The following CLIP1 variants were observed in gnomAD, a reference collection of about 807,000 sequenced individuals.
CLIP1 encodes the protein CAP-Gly domain-containing linker protein 1.
In CLIP1, 66 loss-of-function variants were observed where a neutral mutation model predicts 161.6. That is an observed-to-expected ratio of 0.41 (90% CI 0.33 to 0.50). The LOEUF is 0.50. Ranked by LOEUF, CLIP1 falls within the 20% of genes least tolerant of loss-of-function variation. The pLI, the probability that CLIP1 is intolerant of heterozygous loss-of-function variation, is 0.27. For synonymous variants in CLIP1, 598 were observed against 626.2 expected (o/e 0.96, Z 0.67); for missense variants, 1,376 against 1,702.0 (o/e 0.81, Z 3.37).
intron 1 of CLIP1, among the ~76,000 whole-genome samples, chr12:122,398,350 TG>T (rs1956008915): frequency 1.3e-5 from 2 of 148,530 alleles, no homozygotes; most frequent in Admixed American, 1.4e-4. Flanking sequence ...GCTTGAACCC[TG>T]GAGGTGGAGG....
intron 16 of CLIP1, 35 bp downstream of exon 16, chr12:122,328,226 T>C (rs1566121848): frequency 6.2e-7 from 1 of 1,613,454 alleles, no homozygotes. Context: ...CTTGCCTTCC[T>C]TGCCAGCCAA....
intron 3 of CLIP1, chr12:122,364,694 C>G: frequency 4.1e-6 from 2 of 489,128 alleles, no homozygotes; most frequent in Admixed American, 4.7e-5. Flanking sequence ...CGTGAGCCAC[C>G]ACTCTTGGAC....
At chr12:122,287,025 A>G (rs1221743839) in intron 21 of CLIP1, among the ~76,000 whole-genome samples, 3 of 151,942 alleles carry the variant, frequency 2.0e-5, no homozygotes, top group Non-Finnish European at 4.4e-5. Flanking sequence ...ACAAAAAATT[A>G]GCCAGGTGTG....
At chr12:122,340,343 T>A (rs1364321911) in intron 11 of CLIP1, among the ~76,000 whole-genome samples, 2 of 152,162 alleles carry the variant, frequency 1.3e-5, no homozygotes, top group Non-Finnish European at 2.9e-5. Flanking sequence ...CCTCCCAAAG[T>A]GCTGGGATTA....
Position 122,341,293 on chromosome 12 carries a change from C to T in CLIP1, c.1911G>A (p.Ala637=), listed in dbSNP as rs573111208. ...LETAIASHQQ[A]MEELKVSFSK... ...TGAAAGATACCTTCAGTTCTTCCAT[C>T]GCCTGCTGGTGGGATGCGATGGCAG... is the stretch of plus-strand genomic sequence containing the variant. The change falls in exon 11 of 26, where the codon GCG becomes GCA. Residue 637 remains alanine, a synonymous_variant. Coordinates refer to ENST00000620786, the MANE Select transcript of CLIP1 (RefSeq NM_001247997.2). The T allele has an allele frequency of 9.3e-6, 15 of 1,613,972 alleles. No homozygotes were observed. The East Asian group carries it at 1.8e-4, about 19-fold the overall frequency.
intron 1 of CLIP1, among the ~76,000 whole-genome samples, chr12:122,406,214 G>A (rs1471608375): frequency 2.0e-5 from 3 of 152,202 alleles, no homozygotes; most frequent in East Asian, 1.9e-4. Context: ...GGAGGCCAAG[G>A]TGGGCAGATA....
rs1287775791 is a variant in CLIP1 at position 122,316,785 on chromosome 12, A to G, written c.3437T>C (p.Val1146Ala). ...AAATTCTTCCATTTTTTGATTCTCT[A>G]CAGTCAGGAGTTCTTTTGATTTGTT... ...ELNKSKELLT[V>A]ENQKMEEFRK... Residue 1146 changes from valine (V) to alanine (A), a missense_variant, in exon 19 of 26, where the codon GTA becomes GCA. Physicochemically the swap from Val to Ala is moderately conservative, Grantham distance 64 (BLOSUM62 0). This residue lies in a region of CLIP1 where 948 missense variants were observed against 1,134.8 expected (regional missense o/e 0.84). Transcript: ENST00000620786. 1.9e-6 allele frequency: 3 copies of G among 1,589,966 alleles called. No individual in the cohort carries two copies. Among genetic ancestry groups the G allele is most frequent in the East Asian group, 4.5e-5 (2 of 44,324 alleles).
chr12:122,311,848 AT>A lies in CLIP1; in HGVS notation c.3474-1967del, dbSNP rs1212235811. 6.6e-6 allele frequency among the ~76,000 whole-genome samples: 1 copy of A among 152,166 alleles called. No individual in the cohort carries two copies. The highest frequency in any genetic ancestry group is 1.5e-5 in the Non-Finnish European group (1 of 68,024). On this transcript the variant is annotated intron_variant, in intron 19 of 25. Transcript: ENST00000620786. This position sits in a 1 kb window ranked among gnomAD's most constrained non-coding sequence, Gnocchi z 4.3. ...GACTGAAGCTCCGGGAAGTAAACAG[AT>A]TTGCCCCAAATCATAAAGCCAGAAA...
At chr12:122,346,966 G>A (rs1169995957) in intron 10 of CLIP1, among the ~76,000 whole-genome samples, 2 of 152,170 alleles carry the variant, frequency 1.3e-5, no homozygotes, top group Admixed American at 1.3e-4. Context: ...CAGGAAGAGA[G>A]CTAAAGTAAA....
intron 15 of CLIP1, 116 bp from the exon 16 acceptor site, chr12:122,328,542 A>C (rs1951800198): frequency 1.3e-5 from 8 of 605,514 alleles, no homozygotes. Context: ...TGTGTAATTA[A>C]TAACATCAGA....
In CLIP1 at chr12:122,341,489, G is replaced by C; in HGVS notation, c.1715C>G (p.Ser572Cys). The C allele has an allele frequency of 1.2e-6, 2 of 1,613,734 alleles. No homozygotes were observed. The highest frequency in any genetic ancestry group is 1.3e-5 in the African/African-American group (1 of 74,982). Residue 572 changes from serine (S) to cysteine (C), a missense_variant, in exon 11 of 26, where the codon TCT becomes TGT. By Grantham distance (112) the Ser-to-Cys change is moderately radical. Transcript: ENST00000620786. ...TRTDHQREIT[S>C]LKEHFGAREE... Reference sequence around the variant, plus strand: ...CCGGGCTCCAAAATGCTCCTTCAGAGAAGTTATTTCTCTCTGGTGGTCAGT... The same window carrying C: ...CCGGGCTCCAAAATGCTCCTTCAGACAAGTTATTTCTCTCTGGTGGTCAGT...
intron 5 of CLIP1, chr12:122,356,136 T>C (rs1953338432): frequency 6.6e-6 from 1 of 152,238 alleles, no homozygotes; most frequent in Non-Finnish European, 1.5e-5. Flanking sequence ...ACTCCTGTTG[T>C]CTTTTTTAAC....
At chr12:122,386,714 A>T (rs1466122271) in intron 1 of CLIP1, among the ~76,000 whole-genome samples, 1 of 151,608 alleles carries the variant, frequency 6.6e-6, no homozygotes, top group African/African-American at 2.4e-5. Flanking sequence ...AAAAAATGAG[A>T]TTCTGGCTGG....
rs145564386 is a variant in CLIP1, at chr12:122,306,417, G to C, written c.3594+3345C>G. On this transcript the variant is annotated intron_variant, in intron 20 of 25. Coordinates refer to ENST00000620786, the MANE Select transcript of CLIP1 (RefSeq NM_001247997.2). Reference sequence around the variant, plus strand: ...GTCTTCTTCTGTAAAACAGAAACTGGGGCCCTGGCTAAAAACAAGATACTC... The same window carrying C: ...GTCTTCTTCTGTAAAACAGAAACTGCGGCCCTGGCTAAAAACAAGATACTC... Among the ~76,000 whole-genome samples, 389 of 152,174 alleles carry C rather than the reference G, an allele frequency of 2.6e-3. 4 individuals are homozygous for C. Among genetic ancestry groups the C allele is most frequent in the African/African-American group, 6.8e-3 (284 of 41,514 alleles).
chr12:122,407,638 C>A (rs539381461), intron 1 of CLIP1, among the ~76,000 whole-genome samples: 9 of 145,296 alleles, frequency 6.2e-5, no homozygotes, highest in African/African-American at 2.3e-4. Flanking sequence ...ATTGAAGCTG[C>A]AGTGAGCTGT....
intron 20 of CLIP1, among the ~76,000 whole-genome samples, chr12:122,305,708 G>A (rs1950839785): frequency 6.6e-6 from 1 of 152,140 alleles, no homozygotes. Flanking sequence ...AGTGGGCTGA[G>A]AAAGGCTGCC....
At chr12:122,349,776 G>A (rs1358266331) in intron 9 of CLIP1, among the ~76,000 whole-genome samples, 1 of 152,236 alleles carries the variant, frequency 6.6e-6, no homozygotes, top group African/African-American at 2.4e-5. Flanking sequence ...GACTGACACC[G>A]GGGGCAGCGG....
chr12:122,418,003 AT>A (rs897077924), intron 1 of CLIP1, among the ~76,000 whole-genome samples: 16 of 151,934 alleles, frequency 1.1e-4, no homozygotes, highest in Non-Finnish European at 2.2e-4. Context: ...TTGCTGCCCT[AT>A]GTAAAATTTC....
rs1566068483 is a variant in CLIP1 at position 122,278,183 on chromosome 12, C to A, written c.3937G>T (p.Asp1313Tyr). 1 of 1,599,406 alleles carries A rather than the reference C, an allele frequency of 6.3e-7. No individual in the cohort carries two copies. Among genetic ancestry groups the A allele is most frequent in the Non-Finnish European group, 8.5e-7 (1 of 1,175,386 alleles). ...CTCTCCTGGGCTCTTTCATCCTCGT[C>A]TGCCTGAGTGTCTGTATTACCTTAT... Reference protein sequence around the residue: ...SSSGNTDTQADEDERAQESQI... With the variant: ...SSSGNTDTQAYEDERAQESQI... Residue 1313 changes from aspartate to tyrosine, a missense_variant, in exon 24 of 26, where the codon GAC becomes TAC. Physicochemically the swap from Asp to Tyr is radical, Grantham distance 160 (BLOSUM62 -3). This residue lies in a region of CLIP1 where 948 missense variants were observed against 1,134.8 expected (regional missense o/e 0.84). Coordinates refer to ENST00000620786, the MANE Select transcript of CLIP1 (RefSeq NM_001247997.2).
Sources: allele counts gnomAD v4.1 joint callset (sites outside exome capture counted in the v4.1 genomes callset), GRCh38; gene constraint gnomAD v4.1.1; regional missense constraint gnomAD v4.1.1; non-coding constraint Gnocchi (gnomAD v3.1); transcripts MANE v1.5; gene names NCBI Gene and HGNC (gene_info 2026-07-23, HGNC 2026-07-21).